DKK4: variants seen among roughly 807,000 people sequenced by gnomAD.
DKK4 encodes the protein dickkopf-related protein 4.
DKK4 carries 15 observed loss-of-function variants against 14.5 expected under a neutral mutation model. That is an observed-to-expected ratio of 1.03 (90% CI 0.69 to 1.59). DKK4 has a LOEUF of 1.59. Ranked by LOEUF, DKK4 falls within the 40% of genes most tolerant of loss-of-function variation. The pLI is 0.00. For synonymous variants in DKK4, 89 were observed against 105.2 expected (o/e 0.85, Z 0.94); for missense variants, 272 against 280.3 (o/e 0.97, Z 0.21).
At chr8:42,388,347 A>T in the DKK4 span, among the ~76,000 whole-genome samples, 1 of 152,050 alleles carries the variant, frequency 6.6e-6, no homozygotes, top group Non-Finnish European at 1.5e-5. Context: ...CTCCTGCCTC[A>T]GTCTCCTGAG....
the DKK4 span, among the ~76,000 whole-genome samples, chr8:42,387,415 T>C: frequency 7.8e-6 from 1 of 127,616 alleles, no homozygotes; most frequent in Non-Finnish European, 1.6e-5. Context: ...TGGAGTGCAA[T>C]GGCACGATCT....
the DKK4 span, among the ~76,000 whole-genome samples, chr8:42,386,383 A>G: frequency 6.6e-6 from 1 of 152,196 alleles, no homozygotes. Context: ...CCTTTCTTCA[A>G]GATCATCAAA....
the DKK4 span, among the ~76,000 whole-genome samples, chr8:42,382,496 C>G: frequency 6.6e-6 from 1 of 152,190 alleles, no homozygotes; most frequent in Admixed American, 6.5e-5. Context: ...GCTCTTAGGT[C>G]AGACCACAAG....
chr8:42,390,883 T>C, the DKK4 span, among the ~76,000 whole-genome samples: 1 of 152,206 alleles, frequency 6.6e-6, no homozygotes, highest in Non-Finnish European at 1.5e-5. Flanking sequence ...GTCTCTTTGA[T>C]GTGAAGGTAC....
chr8:42,377,948 T>G (rs1824594793), upstream of DKK4, among the ~76,000 whole-genome samples: 1 of 152,242 alleles, frequency 6.6e-6, no homozygotes, highest in African/African-American at 2.4e-5. Context: ...TTGGGTCCAT[T>G]TTATCAGCAA....
At chr8:42,379,362 T>TAC (rs1824621773), upstream of DKK4, among the ~76,000 whole-genome samples, 2 of 43,898 alleles carry the variant, frequency 4.6e-5, no homozygotes, top group Non-Finnish European at 8.9e-5. Flanking sequence ...TATATATATA[T>TAC]ATATATATAT....
chr8:42,386,418 C>T, the DKK4 span, among the ~76,000 whole-genome samples: 1 of 152,034 alleles, frequency 6.6e-6, no homozygotes, highest in African/African-American at 2.4e-5. Flanking sequence ...ATGGCTATAC[C>T]ACAACCCAGA....
chr8:42,387,604 C>G, the DKK4 span, among the ~76,000 whole-genome samples: 10 of 152,092 alleles, frequency 6.6e-5, no homozygotes, highest in African/African-American at 1.9e-4. Context: ...AGGTGATCCA[C>G]CTGCTTCAGC....
At chr8:42,386,543 G>A in the DKK4 span, among the ~76,000 whole-genome samples, 1 of 152,186 alleles carries the variant, frequency 6.6e-6, no homozygotes. Context: ...CCAGGCTGGA[G>A]TGCAGTGGCG....
At chr8:42,376,542 G>A (rs1427617626) in intron 1 of DKK4, among the ~76,000 whole-genome samples, 1 of 152,174 alleles carries the variant, frequency 6.6e-6, no homozygotes, top group African/African-American at 2.4e-5. Context: ...CTTGCTGGCT[G>A]TGTGAGCTTG....
chr8:42,374,416 G>T (rs532079262), intron 3 of DKK4, 57 bp from the exon 4 acceptor site: 9 of 1,602,630 alleles, frequency 5.6e-6, no homozygotes, highest in African/African-American at 5.4e-5. Flanking sequence ...CCTGCTGGGG[G>T]TTTGCTACTG....
At chr8:42,391,055 CTTCTCCTCTACAGAAGAGCTTT>C in the DKK4 span, among the ~76,000 whole-genome samples, 2 of 152,176 alleles carry the variant, frequency 1.3e-5, no homozygotes, top group African/African-American at 4.8e-5. Context: ...ATTAGTTGGT[CTTCTCCTCTACAGAAGAGCTTT>C]TTCTCCTCCA....
chr8:42,390,164 G>A, the DKK4 span, among the ~76,000 whole-genome samples: 292 of 152,134 alleles, frequency 1.9e-3, no homozygotes, highest in Non-Finnish European at 3.2e-3. Context: ...AAAGTGCTAG[G>A]ATTACAGGCG....
chr8:42,386,946 G>T, the DKK4 span, among the ~76,000 whole-genome samples: 1 of 152,198 alleles, frequency 6.6e-6, no homozygotes, highest in Non-Finnish European at 1.5e-5. Flanking sequence ...AAACTTCCAA[G>T]ATTTTTCTCT....
chr8:42,386,881 C>A, the DKK4 span, among the ~76,000 whole-genome samples: 1 of 152,182 alleles, frequency 6.6e-6, no homozygotes, highest in Non-Finnish European at 1.5e-5. Flanking sequence ...GAAGTCTTTA[C>A]AGAAGAGCTG....
In DKK4 at chr8:42,374,746, G is replaced by A. The variant is rs1200898398; in HGVS notation, c.415+15C>T. 1.1e-5 allele frequency: 18 copies of A among 1,613,794 alleles called. No individual in the cohort carries two copies. Among genetic ancestry groups the A allele is most frequent in the African/African-American group, 2.7e-5 (2 of 74,858 alleles). On this transcript the variant is annotated intron_variant, in intron 3 of 3. Transcript: ENST00000220812. ...GCATTTCTGAAATAAAATATGCTGC[G>A]AATGCTGTTCTTACCCTTCCTGCCT...
chr8:42,378,898 G>A (rs567372660), upstream of DKK4, among the ~76,000 whole-genome samples: 1 of 146,920 alleles, frequency 6.8e-6, no homozygotes, highest in East Asian at 2.0e-4. Flanking sequence ...CCTGAGCTCA[G>A]GAGTTCAAGA....
At chr8:42,390,970 T>C in the DKK4 span, among the ~76,000 whole-genome samples, 2 of 152,186 alleles carry the variant, frequency 1.3e-5, no homozygotes, top group African/African-American at 4.8e-5. Context: ...CCACTGATCA[T>C]TTCAGCCTGA....
At chr8:42,391,007 G>T in the DKK4 span, among the ~76,000 whole-genome samples, 1 of 152,188 alleles carries the variant, frequency 6.6e-6, no homozygotes, top group Non-Finnish European at 1.5e-5. Flanking sequence ...GTGGTTCCAA[G>T]ACGATGATTT....
Sources: allele counts gnomAD v4.1 joint callset (sites outside exome capture counted in the v4.1 genomes callset), GRCh38; gene constraint gnomAD v4.1.1; transcripts MANE v1.5; gene names NCBI Gene and HGNC (gene_info 2026-07-23, HGNC 2026-07-21).